The following NCALD variants were observed in gnomAD, a reference collection of about 807,000 sequenced individuals.
NCALD encodes neurocalcin delta, also known as neurocalcin-delta.
In NCALD, 10 loss-of-function variants were observed where a neutral mutation model predicts 18.6. The observed-to-expected ratio is 0.54, with a 90% CI of 0.33 to 0.91. The LOEUF (loss-of-function observed/expected upper bound fraction) is 0.91. Among genes scored for constraint, NCALD ranks in the 40% least tolerant of loss-of-function variants. The pLI is 0.03. For missense variants in NCALD, 184 were observed against 247.6 expected, an observed-to-expected ratio of 0.74 and a Z score of 1.72; for synonymous variants, 88 against 87.4, an observed-to-expected ratio of 1.01 and a Z score of -0.04.
chr8:101,743,436 CA>C (rs1359743426), intron 1 of NCALD, among the ~76,000 whole-genome samples: 3 of 152,148 alleles, frequency 2.0e-5, no homozygotes, highest in Admixed American at 6.5e-5. Flanking sequence ...AAGTCTACAA[CA>C]AAGGTAGGAG....
intron 1 of NCALD, among the ~76,000 whole-genome samples, chr8:102,073,331 T>C (rs1249481940): frequency 6.6e-6 from 1 of 152,070 alleles, no homozygotes; most frequent in Non-Finnish European, 1.5e-5. Context: ...CACCCTTTTA[T>C]AAGAATATTT....
At chr8:101,888,062 T>C (rs925629076) in intron 3 of NCALD, among the ~76,000 whole-genome samples, 1 of 152,216 alleles carries the variant, frequency 6.6e-6, no homozygotes, top group Non-Finnish European at 1.5e-5. Flanking sequence ...GAGGTCATTC[T>C]GAGGGCCCAT....
At chr8:101,831,980 T>G (rs1814208952) in intron 4 of NCALD, among the ~76,000 whole-genome samples, 1 of 152,232 alleles carries the variant, frequency 6.6e-6, no homozygotes. Flanking sequence ...CCTTTGTGTT[T>G]TGCCAGTGCA....
chr8:101,920,540 T>C (rs1818124441), intron 2 of NCALD, among the ~76,000 whole-genome samples: 1 of 152,184 alleles, frequency 6.6e-6, no homozygotes, highest in African/African-American at 2.4e-5. Context: ...TAGAATACTA[T>C]GCAGTCATAA....
intron 1 of NCALD, among the ~76,000 whole-genome samples, chr8:102,065,043 C>T (rs1164955971): frequency 7.4e-6 from 1 of 134,690 alleles, no homozygotes. Flanking sequence ...ATCAAGAAAC[C>T]TCAGGCAATG....
At chr8:101,921,522 G>A (rs1018670626) in intron 2 of NCALD, among the ~76,000 whole-genome samples, 1 of 152,000 alleles carries the variant, frequency 6.6e-6, no homozygotes, top group African/African-American at 2.4e-5. Context: ...AATACACCAA[G>A]GACTCATATT....
At chr8:101,995,977 T>A (rs1324204799) in intron 2 of NCALD, among the ~76,000 whole-genome samples, 1 of 152,184 alleles carries the variant, frequency 6.6e-6, no homozygotes, top group Non-Finnish European at 1.5e-5. Context: ...CCCACACCTC[T>A]CCACAGTGTG....
At chr8:101,923,167 A>G (rs1818223397) in intron 2 of NCALD, among the ~76,000 whole-genome samples, 1 of 152,212 alleles carries the variant, frequency 6.6e-6, no homozygotes. Context: ...TGTTGGAGGC[A>G]GACAGCAGCC....
intron 1 of NCALD, among the ~76,000 whole-genome samples, chr8:102,104,962 A>G (rs7826675): frequency 0.081 from 12,335 of 152,214 alleles, 1,322 homozygotes; most frequent in African/African-American, 0.25. Context: ...CTCTGCTGGG[A>G]TTGTTCAGCG....
At chr8:102,011,414 A>T (rs966314817) in intron 2 of NCALD, among the ~76,000 whole-genome samples, 2 of 152,214 alleles carry the variant, frequency 1.3e-5, no homozygotes, top group Non-Finnish European at 2.9e-5. Flanking sequence ...GGAAGTCACG[A>T]GGTCTCACTT....
chr8:101,833,970 A>G (rs1814300143), intron 4 of NCALD, among the ~76,000 whole-genome samples: 1 of 152,186 alleles, frequency 6.6e-6, no homozygotes, highest in African/African-American at 2.4e-5. Flanking sequence ...ACTTGTGAGA[A>G]TTTATAGAAG....
At chr8:101,953,471 G>A (rs913483675) in intron 2 of NCALD, among the ~76,000 whole-genome samples, 3 of 152,188 alleles carry the variant, frequency 2.0e-5, no homozygotes, top group Non-Finnish European at 2.9e-5. Flanking sequence ...GCACTAAATG[G>A]TGTGTAAAAC....
At chr8:101,950,364 A>T (rs1018828862) in intron 2 of NCALD, 1 of 151,828 alleles carries the variant, frequency 6.6e-6, no homozygotes, top group South Asian at 2.1e-4. Flanking sequence ...GGCATTTCTA[A>T]AAGTAGGAAA....
intron 1 of NCALD, among the ~76,000 whole-genome samples, chr8:101,745,556 C>A (rs1469217112): frequency 6.6e-6 from 1 of 152,182 alleles, no homozygotes; most frequent in Admixed American, 6.5e-5. Context: ...TTGGTTAAGA[C>A]AGTTCTTTTC....
chr8:101,802,746 T>C (rs1387572957), intron 4 of NCALD, among the ~76,000 whole-genome samples: 1 of 151,996 alleles, frequency 6.6e-6, no homozygotes, highest in Non-Finnish European at 1.5e-5. Flanking sequence ...AAATGCAGAA[T>C]AAAACTTTGA....
chr8:101,873,486 T>C (rs1816102513), intron 4 of NCALD, among the ~76,000 whole-genome samples: 1 of 152,226 alleles, frequency 6.6e-6, no homozygotes, highest in Non-Finnish European at 1.5e-5. Context: ...GAAAAAAATA[T>C]AGCTGGCATA....
chr8:102,076,393 T>C (rs1444072632), intron 1 of NCALD, among the ~76,000 whole-genome samples: 1 of 152,164 alleles, frequency 6.6e-6, no homozygotes, highest in Non-Finnish European at 1.5e-5. Context: ...CTGAACCACC[T>C]GCCTGTACCG....
At chr8:102,085,689 T>C (rs1037460102) in intron 1 of NCALD, among the ~76,000 whole-genome samples, 1 of 151,638 alleles carries the variant, frequency 6.6e-6, no homozygotes, top group East Asian at 1.9e-4. Context: ...ACCCAGGAGG[T>C]TGCAATGAGC....
intron 3 of NCALD, among the ~76,000 whole-genome samples, chr8:101,897,364 G>T (rs185530902): frequency 7.4e-6 from 1 of 134,632 alleles, no homozygotes; most frequent in Non-Finnish European, 1.6e-5. Flanking sequence ...TGGGGACTGT[G>T]GTGGGGTGGG....
Sources: gnomAD v4.1 joint callset for allele counts (sites outside exome capture counted in the v4.1 genomes callset) on GRCh38, gnomAD v4.1.1 for gene constraint, MANE v1.5 for transcripts, NCBI Gene and HGNC (gene_info 2026-07-23, HGNC 2026-07-21) for gene names.